Variants in RASA1 observed in about 807,000 individuals in gnomAD.
The protein encoded by RASA1 is ras GTPase-activating protein 1.
In RASA1, 25 loss-of-function variants were observed where a neutral mutation model predicts 132.2. The observed-to-expected ratio is 0.19, with a 90% CI of 0.14 to 0.26. RASA1 has a LOEUF of 0.26. RASA1 is among the 10% of genes least tolerant of loss of function. The pLI is 1.00. For missense variants in RASA1, 964 were observed against 1,299.2 expected (o/e 0.74, Z 3.97); for synonymous variants, 477 against 449.9 (o/e 1.06, Z -0.76).
rs1345507963 is a variant in RASA1, at chr5:87,268,697, G to A, written c.246G>A (p.Gly82=). ...CCGGGTCTGTGGCAGGGGCACTGGG[G>A]GGAGCTGGACTGACAGGGGGAGGTA... is the stretch of plus-strand genomic sequence containing the variant. ...LGAGSVAGAL[G]GAGLTGGGTA... Residue 82 remains glycine, a synonymous_variant, in exon 1 of 25, where the codon GGG becomes GGA. Coordinates refer to ENST00000274376, the MANE Select transcript of RASA1 (RefSeq NM_002890.3). The A allele has an allele frequency of 3.1e-6, 5 of 1,612,008 alleles. No homozygotes were observed. The Admixed American group carries it at 8.4e-5, about 27-fold the overall frequency.
intron 1 of RASA1, among the ~76,000 whole-genome samples, chr5:87,288,328 G>A (rs1000557707): frequency 6.6e-6 from 1 of 151,820 alleles, no homozygotes; most frequent in Non-Finnish European, 1.5e-5. Context: ...TGAAGTTGAT[G>A]TAATATGACA....
intron 19 of RASA1, 71 bp downstream of exon 19, chr5:87,379,921 G>T (rs915557025): frequency 4.1e-6 from 6 of 1,457,116 alleles, no homozygotes; most frequent in South Asian, 3.5e-5. Context: ...TTTCTAAAAC[G>T]TGAAAGCTTT....
chr5:87,318,860 C>A (rs577261468), intron 1 of RASA1: 1 of 152,346 alleles, frequency 6.6e-6, no homozygotes, highest in African/African-American at 2.4e-5. Flanking sequence ...AGTCCAAAGT[C>A]TTATCTGAGA....
At chr5:87,311,820 A>G (rs1347723775) in intron 1 of RASA1, among the ~76,000 whole-genome samples, 2 of 152,194 alleles carry the variant, frequency 1.3e-5, no homozygotes, top group African/African-American at 4.8e-5. Flanking sequence ...CCTCCCGTAA[A>G]TTACATTGTT....
rs141400399 is a variant in RASA1, at chr5:87,315,048, G to A, written c.540-16300G>A. 2.7e-3 allele frequency among the ~76,000 whole-genome samples: 405 copies of A among 152,234 alleles called. 5 individuals carry two copies. Among genetic ancestry groups the A allele is most frequent in the East Asian group, 8.3e-3 (43 of 5,184 alleles). ...GAATGTGGTTTCCAAATTATGTAAA[G>A]TATAAAGAGTTTTATATTAAAATGG... On this transcript the variant is annotated intron_variant, in intron 1 of 24. Transcript: ENST00000274376.
chr5:87,391,156 G>T lies in RASA1; in HGVS notation c.*273G>T. 1 of 559,206 alleles carries T rather than the reference G, an allele frequency of 1.8e-6. No individual in the cohort carries two copies. The highest frequency in any genetic ancestry group is 2.9e-5 in the East Asian group (1 of 34,064). 34.6% of individuals were successfully genotyped at this position (559,206 alleles called of 1,614,324 possible). A position where few individuals can be genotyped will look rare whatever the true frequency, so the allele number is the denominator to read the frequency against. ...GTGTACAGACCACCTTTCACAAAAC[G>T]AAATGCTATGACTGTATCTTGATAT... is the stretch of plus-strand genomic sequence containing the variant. On this transcript the variant is annotated 3_prime_UTR_variant, in exon 25 of 25. Transcript: ENST00000274376.
chr5:87,382,178 C>T (rs969229807), intron 20 of RASA1, among the ~76,000 whole-genome samples: 3 of 152,194 alleles, frequency 2.0e-5, no homozygotes, highest in Non-Finnish European at 2.9e-5. Flanking sequence ...TCTTGAACTC[C>T]TGGCCTCAGG....
intron 1 of RASA1, chr5:87,269,285 G>C: frequency 6.5e-7 from 1 of 1,536,510 alleles, no homozygotes; most frequent in East Asian, 2.4e-5. Flanking sequence ...CTTCCAAGTT[G>C]AGGTGGTGTC....
At chr5:87,380,623 T>C (rs1445854654) in intron 20 of RASA1, 28 bp downstream of exon 20, 3 of 1,534,106 alleles carry the variant, frequency 2.0e-6, no homozygotes, top group Non-Finnish European at 2.7e-6. Context: ...ATTTGTTAAA[T>C]CACATACTAA....
At chr5:87,270,646 CTTTTTTTTTTTTTTTTTTT>C (rs70996415) in intron 1 of RASA1, among the ~76,000 whole-genome samples, 29 of 71,776 alleles carry the variant, frequency 4.0e-4, no homozygotes, top group African/African-American at 7.7e-4. Context: ...GGTGCCCGGC[CTTTTTTTTTTTTTTTTTTT>C]TTTTTTTTTT....
intron 21 of RASA1, among the ~76,000 whole-genome samples, chr5:87,384,859 C>G (rs890810813): frequency 1.6e-4 from 24 of 152,032 alleles, no homozygotes; most frequent in African/African-American, 5.8e-4. Context: ...GCTTCTTGAG[C>G]TTTAAGCGAA....
intron 23 of RASA1, among the ~76,000 whole-genome samples, chr5:87,387,882 T>G (rs1163476663): frequency 6.6e-6 from 1 of 152,154 alleles, no homozygotes; most frequent in African/African-American, 2.4e-5. Flanking sequence ...TGGAAAATAT[T>G]TTTACTATAA....
At chr5:87,309,948 T>A (rs1249739603) in intron 1 of RASA1, among the ~76,000 whole-genome samples, 1 of 152,150 alleles carries the variant, frequency 6.6e-6, no homozygotes, top group African/African-American at 2.4e-5. Context: ...TGTGATAAGA[T>A]CCTTTTTTAG....
chr5:87,285,758 A>G (rs1256910463), intron 1 of RASA1, among the ~76,000 whole-genome samples: 1 of 151,390 alleles, frequency 6.6e-6, no homozygotes, highest in African/African-American at 2.4e-5. Flanking sequence ...AGCTGGGATC[A>G]TAGGCGCACA....
Position 87,372,119 on chromosome 5 carries a change from A to C in RASA1, c.1700A>C (p.Asp567Ala), listed in dbSNP as rs1318268912. The change falls in exon 13 of 25, where the codon GAT (aspartate) becomes GCT (alanine). Residue 567 changes from aspartate (D) to alanine (A), a missense_variant and splice_region_variant. Physicochemically the swap from Asp to Ala is moderately radical, Grantham distance 126 (BLOSUM62 -2). Around this residue, in one of 6 missense-constraint regions of RASA1, gnomAD observed 346 missense variants for 520.1 expected, o/e 0.67. Transcript: ENST00000274376. Reference sequence around the variant, plus strand: ...TTGAAGTGCTGTTTTTCTTTGCAGGATTGGATGAAAGGTCTGCAGGCATTT... The same window carrying C: ...TTGAAGTGCTGTTTTTCTTTGCAGGCTTGGATGAAAGGTCTGCAGGCATTT... ...FAGETPEQAE[D>A]WMKGLQAFCN... The C allele has an allele frequency of 6.2e-7, 1 of 1,613,030 alleles. No homozygotes were observed. Among genetic ancestry groups the C allele is most frequent in the Admixed American group, 1.7e-5 (1 of 59,934 alleles).
chr5:87,344,769 T>A (rs1036888810), intron 6 of RASA1, among the ~76,000 whole-genome samples: 1 of 149,848 alleles, frequency 6.7e-6, no homozygotes, highest in African/African-American at 2.5e-5. Flanking sequence ...TCCTCCCACC[T>A]TGGCCTTCCA....
intron 20 of RASA1, among the ~76,000 whole-genome samples, chr5:87,383,019 G>A (rs2112507293): frequency 6.6e-6 from 1 of 152,134 alleles, no homozygotes; most frequent in South Asian, 2.1e-4. Flanking sequence ...TTGATCCCAG[G>A]GGTTCAAGGT....
chr5:87,287,359 C>G lies in RASA1; in HGVS notation c.539+18369C>G, dbSNP rs534409245. Among the ~76,000 whole-genome samples the G allele has an allele frequency of 4.5e-5, 6 of 132,006 alleles. No individual in the cohort carries two copies. In the South Asian group the frequency reaches 1.2e-3, roughly 27 times the overall value. The allele number at this position is 132,006 out of a possible 152,430, so 86.6% of individuals were successfully genotyped here. A position where few individuals can be genotyped will look rare whatever the true frequency, so the allele number is the denominator to read the frequency against. ...CACCATATATATACCATATATACACCATATATATACCATATATACACACAC... is the reference window on the plus strand; with the variant it reads ...CACCATATATATACCATATATACACGATATATATACCATATATACACACAC... On this transcript the variant is annotated intron_variant, in intron 1 of 24. Coordinates refer to ENST00000274376, the MANE Select transcript of RASA1 (RefSeq NM_002890.3).
At position 87,385,169 on chromosome 5, in the gene RASA1, C is replaced by T. The variant is rs1761982380; in HGVS notation, c.2759-132C>T. The T allele has an allele frequency of 1.3e-5, 9 of 696,376 alleles. No individual in the cohort carries two copies. The South Asian group carries it at 1.5e-4, about 11-fold the overall frequency. 43.1% of individuals were successfully genotyped at this position (696,376 alleles called of 1,614,324 possible). On this transcript the variant is annotated intron_variant, in intron 21 of 24. Coordinates refer to ENST00000274376, the MANE Select transcript of RASA1 (RefSeq NM_002890.3). Reference sequence around the variant, plus strand: ...TTTTCAAAAAACATTTTTCCAAAAACATTCTGAGTTCCGAATGGAAGAATG... The same window carrying T: ...TTTTCAAAAAACATTTTTCCAAAAATATTCTGAGTTCCGAATGGAAGAATG...
Sources: gnomAD v4.1 joint callset for allele counts (sites outside exome capture counted in the v4.1 genomes callset) on GRCh38, gnomAD v4.1.1 for gene constraint, gnomAD v4.1.1 regional missense constraint, MANE v1.5 for transcripts, NCBI Gene and HGNC (gene_info 2026-07-23, HGNC 2026-07-21) for gene names.